ALG13: variants seen among roughly 807,000 people sequenced by gnomAD.
ALG13 encodes the protein ALG13 UDP-N-acetylglucosaminyltransferase subunit.
Under a neutral mutation model 87.8 loss-of-function variants are expected in ALG13, and 11 were observed. The observed-to-expected ratio is 0.13, with a 90% confidence interval of 0.08 to 0.21. ALG13 has a LOEUF of 0.21. ALG13 is among the 10% of genes least tolerant of loss of function. The pLI, the probability that ALG13 is intolerant of heterozygous loss-of-function variation, is 1.00. For missense variants in ALG13, 756 were observed against 866.1 expected (o/e 0.87, Z 1.60); for synonymous variants, 320 against 306.3 (o/e 1.04, Z -0.47).
intron 7 of ALG13, among the ~76,000 whole-genome samples, chrX:111,713,003 TA>T (rs1051392204): frequency 4.5e-5 from 5 of 110,124 alleles, no homozygotes; most frequent in Non-Finnish European, 7.6e-5. Flanking sequence ...TTAAGATACA[TA>T]AAAAAAAATC....
intron 21 of ALG13, among the ~76,000 whole-genome samples, chrX:111,731,839 G>C (rs1299643804): frequency 9.0e-6 from 1 of 111,636 alleles, no homozygotes; most frequent in East Asian, 2.8e-4. Context: ...AGTTTATCAG[G>C]CACTGATGGA....
rs1303535808 is a variant in ALG13, at chrX:111,681,697, C to T, written c.81+398C>T. 20 of 844,334 alleles carry T rather than the reference C, an allele frequency of 2.4e-5. No homozygotes were observed. In the East Asian group the frequency reaches 4.5e-4, roughly 19 times the overall value. The allele number at this position is 844,334 out of a possible 1,213,427, so 69.6% of individuals were successfully genotyped here. On this transcript the variant is annotated intron_variant, in intron 1 of 26. Transcript: ENST00000394780. Reference sequence around the variant, plus strand: ...CCCCCTGTGGACCGCACGTCGGCGCCGGCGTCTGAGCCAGCCGAGCTCGCC... The same window carrying T: ...CCCCCTGTGGACCGCACGTCGGCGCTGGCGTCTGAGCCAGCCGAGCTCGCC...
At chrX:111,743,299 G>A (rs929017281) in intron 23 of ALG13, among the ~76,000 whole-genome samples, 2 of 111,815 alleles carry the variant, frequency 1.8e-5, no homozygotes, top group African/African-American at 6.5e-5. Context: ...AAAAAAATCT[G>A]TATCTAGAAC....
Position 111,759,754 on chromosome X carries a change from T to G in ALG13, c.3169T>G (p.Ser1057Ala), listed in dbSNP as rs1945588871. The change falls in exon 27 of 27, where the codon TCT (serine) becomes GCT (alanine). Residue 1057 changes from serine to alanine, a missense_variant. Ser to Ala is a moderately conservative substitution (Grantham distance 99). This residue lies in a region of ALG13 where 110 missense variants were observed against 104.9 expected (regional missense o/e 1.05). Coordinates refer to ENST00000394780, the MANE Select transcript of ALG13 (RefSeq NM_001099922.3). ...TTCAGATACTTTTCCGAATGCTGAT[T>G]CTTCATCTGTCCCTCATGGAGCAGT... Reference protein sequence around the residue: ...SANDTFPNADSSSVPHGAVYY... With the variant: ...SANDTFPNADASSVPHGAVYY... 2.5e-6 allele frequency: 3 copies of G among 1,206,677 alleles called. No individual in the cohort carries two copies. The East Asian group carries it at 8.9e-5, about 36-fold the overall frequency.
chrX:111,737,291 G>A (rs992138899), intron 23 of ALG13, among the ~76,000 whole-genome samples: 3 of 111,817 alleles, frequency 2.7e-5, no homozygotes, highest in African/African-American at 9.8e-5. Context: ...TACAGGCTCT[G>A]GAATTTAAAA....
chrX:111,728,609 A>G (rs1321406574), intron 19 of ALG13, among the ~76,000 whole-genome samples: 2 of 111,584 alleles, frequency 1.8e-5, no homozygotes, highest in Admixed American at 1.9e-4. Context: ...ATTCGTTGTT[A>G]GTAGGGCACT....
chrX:111,728,120 C>T, intron 18 of ALG13, 65 bp from the exon 19 acceptor site: 1 of 1,196,919 alleles, frequency 8.4e-7, no homozygotes. Flanking sequence ...TTTAAAACAT[C>T]CCTCTAGCTT....
chrX:111,715,978 T>G (rs774148802), intron 8 of ALG13, among the ~76,000 whole-genome samples: 2 of 111,471 alleles, frequency 1.8e-5, no homozygotes, highest in African/African-American at 6.5e-5. Context: ...AAAAAGAAAA[T>G]AAAATTAAGT....
At chrX:111,693,808 CTG>C (rs1425423607) in intron 3 of ALG13, among the ~76,000 whole-genome samples, 4 of 110,681 alleles carry the variant, frequency 3.6e-5, no homozygotes, top group Non-Finnish European at 5.7e-5. Context: ...TAATTTAAAA[CTG>C]TGGCTTTTCT....
At chrX:111,705,659 T>C (rs1219720358) in intron 3 of ALG13, among the ~76,000 whole-genome samples, 1 of 111,896 alleles carries the variant, frequency 8.9e-6, no homozygotes, top group African/African-American at 3.2e-5. Flanking sequence ...GGATCCTTTT[T>C]TTTGCATGTG....
intron 22 of ALG13, among the ~76,000 whole-genome samples, chrX:111,736,508 GA>G (rs1382864307): frequency 9.0e-6 from 1 of 111,442 alleles, no homozygotes; most frequent in African/African-American, 3.3e-5. Flanking sequence ...TACCTTTTTA[GA>G]AATAAATGAA....
intron 6 of ALG13, 87 bp from the exon 7 acceptor site, chrX:111,712,397 T>C (rs941559400): frequency 8.8e-5 from 47 of 537,120 alleles, no homozygotes; most frequent in Non-Finnish European, 1.1e-4. Flanking sequence ...AAAACAGTGC[T>C]AAGCAGCTAA....
chrX:111,722,140 A>G (rs1472449644), intron 12 of ALG13, among the ~76,000 whole-genome samples: 1 of 112,221 alleles, frequency 8.9e-6, no homozygotes, highest in Admixed American at 9.5e-5. Context: ...AATTAAAAGA[A>G]TAATATATCG....
intron 2 of ALG13, among the ~76,000 whole-genome samples, chrX:111,682,814 CA>C (rs1024409766): frequency 2.7e-5 from 3 of 111,838 alleles, no homozygotes; most frequent in Non-Finnish European, 5.6e-5. Context: ...AGATTGTTTA[CA>C]TTTCTGTTGA....
chrX:111,719,434 C>T (rs769013109), intron 10 of ALG13, among the ~76,000 whole-genome samples: 2 of 112,197 alleles, frequency 1.8e-5, no homozygotes, highest in South Asian at 3.8e-4. Context: ...TTCAGGCTTA[C>T]GGAAACTACA....
chrX:111,706,309 G>GT (rs1399945287), intron 3 of ALG13, among the ~76,000 whole-genome samples: 1 of 112,777 alleles, frequency 8.9e-6, no homozygotes, highest in Non-Finnish European at 1.9e-5. Context: ...GATCACAGGC[G>GT]TGAGCCATTG....
At chrX:111,752,706 G>A (rs893184757) in intron 24 of ALG13, 84 bp from the exon 25 acceptor site, 14 of 692,743 alleles carry the variant, frequency 2.0e-5, no homozygotes, top group East Asian at 7.4e-5. Flanking sequence ...ATGAGCCACC[G>A]TGCCCAGCCA....
At position 111,736,861 on chromosome X, in the gene ALG13, C is replaced by T. The variant is rs1464931418; in HGVS notation, c.2677C>T (p.Pro893Ser). Reference sequence around the variant, plus strand: ...TATACAGCCTCTCTTTGTATCTCCACCTACACACGGCAGGCCAGGTAGGTT... The same window carrying T: ...TATACAGCCTCTCTTTGTATCTCCATCTACACACGGCAGGCCAGGTAGGTT... ...NAIQPLFVSP[P>S]THGRPVIASP... Residue 893 changes from proline (P) to serine (S), a missense_variant, in exon 23 of 27, where the codon CCT becomes TCT. Pro to Ser is a moderately conservative substitution (Grantham distance 74). Transcript: ENST00000394780. The T allele has an allele frequency of 2.5e-6, 3 of 1,205,299 alleles. No homozygotes were observed. The African/African-American group carries it at 5.3e-5, about 21-fold the overall frequency.
intron 19 of ALG13, among the ~76,000 whole-genome samples, chrX:111,729,139 T>A (rs1405364103): frequency 1.8e-5 from 2 of 111,735 alleles, no homozygotes; most frequent in African/African-American, 6.5e-5. Context: ...CAGTCTGTTT[T>A]CTGTCTTTAT....
Sources: gnomAD v4.1 joint callset for allele counts (sites outside exome capture counted in the v4.1 genomes callset) on GRCh38, gnomAD v4.1.1 for gene constraint, gnomAD v4.1.1 regional missense constraint, MANE v1.5 for transcripts, NCBI Gene and HGNC (gene_info 2026-07-23, HGNC 2026-07-21) for gene names.